REEP5: variants seen among roughly 807,000 people sequenced by gnomAD.
REEP5 encodes the protein receptor accessory protein 5.
REEP5 carries 24 observed loss-of-function variants against 22.4 expected under a neutral mutation model. That is an observed-to-expected ratio of 1.07 (90% CI 0.78 to 1.51). The LOEUF (loss-of-function observed/expected upper bound fraction) is 1.51, where lower values mean the gene tolerates loss of function less well. Among genes scored for constraint, REEP5 ranks in the 40% most tolerant of loss-of-function variants. REEP5 has a pLI of 0.00. For synonymous variants in REEP5, 103 were observed against 88.6 expected (o/e 1.16, Z -0.92); for missense variants, 252 against 233.0 (o/e 1.08, Z -0.53).
intron 1 of REEP5, chr5:112,921,593 G>A: frequency 2.8e-6 from 1 of 352,134 alleles, no homozygotes; most frequent in Non-Finnish European, 5.3e-6. Context: ...AGCCTGGGAA[G>A]CTGCGCTCAG....
At chr5:112,905,563 A>ACC (rs1416342657) in intron 2 of REEP5, among the ~76,000 whole-genome samples, 8 of 147,526 alleles carry the variant, frequency 5.4e-5, no homozygotes, top group African/African-American at 1.3e-4. Context: ...AAACAAAAAA[A>ACC]AAACAAACTT....
chr5:112,903,058 T>C (rs1412022430), intron 2 of REEP5, among the ~76,000 whole-genome samples: 1 of 152,218 alleles, frequency 6.6e-6, no homozygotes, highest in Non-Finnish European at 1.5e-5. Flanking sequence ...TAGTTCAGAA[T>C]GTCTTTAACT....
At chr5:112,907,135 G>A (rs1384998782) in intron 2 of REEP5, among the ~76,000 whole-genome samples, 1 of 152,160 alleles carries the variant, frequency 6.6e-6, no homozygotes, top group African/African-American at 2.4e-5. Context: ...TGTCTAGCTG[G>A]AACTTCAGCC....
intron 2 of REEP5, among the ~76,000 whole-genome samples, chr5:112,917,995 A>T (rs1769267437): frequency 6.6e-6 from 1 of 152,196 alleles, no homozygotes; most frequent in Admixed American, 6.5e-5. Flanking sequence ...TAAGTATCTA[A>T]ATTATATCTT....
chr5:112,886,622 G>C (rs1433373398), intron 4 of REEP5, among the ~76,000 whole-genome samples: 1 of 152,158 alleles, frequency 6.6e-6, no homozygotes, highest in Non-Finnish European at 1.5e-5. Flanking sequence ...AATTTTTCCT[G>C]CTAGTATAGC....
At chr5:112,911,350 T>C (rs1327658513) in intron 2 of REEP5, among the ~76,000 whole-genome samples, 3 of 151,398 alleles carry the variant, frequency 2.0e-5, no homozygotes, top group Admixed American at 2.0e-4. Flanking sequence ...ATAAAAGGTG[T>C]GCATCATCAC....
At chr5:112,915,848 T>C (rs1345441853) in intron 2 of REEP5, among the ~76,000 whole-genome samples, 3 of 142,292 alleles carry the variant, frequency 2.1e-5, no homozygotes, top group Non-Finnish European at 4.5e-5. Context: ...GAAGTTCTCA[T>C]GAGTAAAAAA....
rs1768980040 is a variant in REEP5, at chr5:112,907,489, A to G, written c.213-4971T>C. On this transcript the variant is annotated intron_variant, in intron 2 of 4. Transcript: ENST00000379638. ...GCAGCATTTTGCTTCCCCAAAGCAG[A>G]TATCAAGAGAAGCCAGGGCTGGGTG... 3.3e-5 allele frequency among the ~76,000 whole-genome samples: 5 copies of G among 152,342 alleles called. No individual in the cohort carries two copies. In the South Asian group the frequency reaches 1.0e-3, roughly 32 times the overall value.
At chr5:112,886,565 G>A (rs1319650594) in intron 4 of REEP5, among the ~76,000 whole-genome samples, 1 of 152,134 alleles carries the variant, frequency 6.6e-6, no homozygotes, top group African/African-American at 2.4e-5. Flanking sequence ...TAAAGATCAA[G>A]AATTTTTTGT....
intron 3 of REEP5, chr5:112,892,885 A>T (rs1768529923): frequency 1.9e-6 from 3 of 1,612,488 alleles, no homozygotes; most frequent in Non-Finnish European, 2.5e-6. Flanking sequence ...TCACAAACGC[A>T]CATCAAAGAG....
At chr5:112,892,265 G>T (rs764268042) in intron 3 of REEP5, 19 of 1,613,974 alleles carry the variant, frequency 1.2e-5, no homozygotes, top group Non-Finnish European at 1.5e-5. Flanking sequence ...CTTATTAAGA[G>T]CATGTTTACA....
chr5:112,904,214 A>AT (rs929737444), intron 2 of REEP5, among the ~76,000 whole-genome samples: 2 of 152,184 alleles, frequency 1.3e-5, no homozygotes, highest in African/African-American at 4.8e-5. Flanking sequence ...CAAAGTCTGT[A>AT]TTTTTTTAGC....
intron 2 of REEP5, among the ~76,000 whole-genome samples, chr5:112,918,886 T>A (rs1769288090): frequency 6.6e-6 from 1 of 152,208 alleles, no homozygotes; most frequent in Non-Finnish European, 1.5e-5. Flanking sequence ...CCTCAGGTCT[T>A]CTCTACCAGA....
intron 3 of REEP5, chr5:112,897,392 C>A (rs1227823490): frequency 2.0e-5 from 3 of 151,124 alleles, no homozygotes; most frequent in Non-Finnish European, 2.9e-5. Flanking sequence ...CACACACACA[C>A]ACAAATGTAA....
At chr5:112,891,909 A>C in intron 3 of REEP5, 1 of 1,313,128 alleles carries the variant, frequency 7.6e-7, no homozygotes. Flanking sequence ...CACAAGAAGA[A>C]TTCAGAATAA....
intron 4 of REEP5, among the ~76,000 whole-genome samples, chr5:112,886,359 T>C (rs1006540938): frequency 2.0e-5 from 3 of 152,214 alleles, no homozygotes; most frequent in African/African-American, 4.8e-5. Context: ...TAGTTTGCCC[T>C]AAATATTTAT....
intron 2 of REEP5, among the ~76,000 whole-genome samples, chr5:112,912,094 A>G (rs1013272695): frequency 6.6e-6 from 1 of 152,152 alleles, no homozygotes; most frequent in Admixed American, 6.5e-5. Flanking sequence ...TTTGTCCTAA[A>G]CGTTTGACAT....
intron 3 of REEP5, chr5:112,895,174 G>A (rs1255073377): frequency 6.9e-6 from 1 of 145,952 alleles, no homozygotes; most frequent in Non-Finnish European, 1.5e-5. Flanking sequence ...AGGAGGCGGA[G>A]GTTACAGTGA....
chr5:112,889,301 T>G (rs1406055714), intron 3 of REEP5, among the ~76,000 whole-genome samples: 1 of 150,912 alleles, frequency 6.6e-6, no homozygotes, highest in Non-Finnish European at 1.5e-5. Context: ...ACTATAGCTG[T>G]ATGCTTAAGA....
Sources: gnomAD v4.1 joint callset for allele counts (sites outside exome capture counted in the v4.1 genomes callset) on GRCh38, gnomAD v4.1.1 for gene constraint, MANE v1.5 for transcripts, NCBI Gene and HGNC (gene_info 2026-07-23, HGNC 2026-07-21) for gene names.